SCRG1: variants seen among roughly 807,000 people sequenced by gnomAD.
The protein encoded by SCRG1 is scrapie-responsive protein 1.
Under a neutral mutation model 7.7 loss-of-function variants are expected in SCRG1, and 3 were observed. That is an observed-to-expected ratio of 0.39 (90% CI 0.18 to 1.01). The LOEUF (loss-of-function observed/expected upper bound fraction) is 1.01. Among genes scored for constraint, SCRG1 ranks in the 50% least tolerant of loss-of-function variants. The probability of loss-of-function intolerance (pLI) is 0.36; values close to 1 mark genes in which losing one functional copy is unlikely to be tolerated. For synonymous variants in SCRG1, 46 were observed against 41.2 expected, an observed-to-expected ratio of 1.12 and a Z score of -0.44; for missense variants, 110 against 117.2, an observed-to-expected ratio of 0.94 and a Z score of 0.28.
At chr4:173,431,733 C>T in the SCRG1 span, among the ~76,000 whole-genome samples, 1 of 152,200 alleles carries the variant, frequency 6.6e-6, no homozygotes, top group Non-Finnish European at 1.5e-5. Context: ...CCAGGGTCTT[C>T]TGTCTGATCA....
chr4:173,401,344 A>G (rs530902683), upstream of SCRG1, among the ~76,000 whole-genome samples: 1 of 152,338 alleles, frequency 6.6e-6, no homozygotes, highest in East Asian at 1.9e-4. Context: ...AATGTATATA[A>G]ATATGTGAAT....
the SCRG1 span, among the ~76,000 whole-genome samples, chr4:173,457,043 A>G: frequency 6.6e-6 from 1 of 152,230 alleles, no homozygotes; most frequent in Admixed American, 6.5e-5. Flanking sequence ...CAGAGGCCAG[A>G]AAGAGATAAA....
upstream of SCRG1, among the ~76,000 whole-genome samples, chr4:173,408,480 A>G (rs1396801376): frequency 1.3e-5 from 2 of 152,302 alleles, no homozygotes; most frequent in East Asian, 3.9e-4. Context: ...CTCAAGTGTA[A>G]ATATCTTGAC....
the SCRG1 span, chr4:173,419,975 A>G: frequency 1.4e-6 from 1 of 708,616 alleles, no homozygotes; most frequent in African/African-American, 1.7e-5. Context: ...CTGACAAATG[A>G]TATCTCTATC....
At chr4:173,408,991 CAAAAAAAAAAA>C (rs991902394), upstream of SCRG1, among the ~76,000 whole-genome samples, 1 of 51,264 alleles carries the variant, frequency 2.0e-5, no homozygotes, top group African/African-American at 6.4e-5. Flanking sequence ...GACTCAGTCT[CAAAAAAAAAAA>C]AAAAAAAAAA....
chr4:173,460,372 C>G, the SCRG1 span, among the ~76,000 whole-genome samples: 62 of 152,296 alleles, frequency 4.1e-4, no homozygotes, highest in Non-Finnish European at 7.8e-4. Flanking sequence ...TCCTCTAGTC[C>G]CAGACTGCAC....
the SCRG1 span, among the ~76,000 whole-genome samples, chr4:173,483,775 TGATATATCATATATCATA>T: frequency 7.8e-5 from 3 of 38,464 alleles, 1 homozygote; most frequent in African/African-American, 3.0e-4. Flanking sequence ...ATATGATATA[TGATATATCATATATCATA>T]TATATGATAT....
chr4:173,499,718 C>T, the SCRG1 span, among the ~76,000 whole-genome samples: 3 of 152,158 alleles, frequency 2.0e-5, no homozygotes, highest in African/African-American at 4.8e-5. This position sits in a 1 kb window ranked among gnomAD's most constrained non-coding sequence, Gnocchi z 4.1. Context: ...TGATGGCCTC[C>T]ATGCAGCAGC....
At chr4:173,445,627 A>G in the SCRG1 span, among the ~76,000 whole-genome samples, 3 of 150,512 alleles carry the variant, frequency 2.0e-5, no homozygotes, top group Non-Finnish European at 4.4e-5. Flanking sequence ...CACTGAATCC[A>G]TTAGGATTTT....
At chr4:173,497,880 A>T in the SCRG1 span, among the ~76,000 whole-genome samples, 1 of 151,916 alleles carries the variant, frequency 6.6e-6, no homozygotes, top group Non-Finnish European at 1.5e-5. Context: ...GGGTTTTACC[A>T]TGTTGGCCAG....
chr4:173,406,570 T>C (rs917710813), upstream of SCRG1, among the ~76,000 whole-genome samples: 1 of 152,198 alleles, frequency 6.6e-6, no homozygotes, highest in African/African-American at 2.4e-5. Context: ...TACCATTACA[T>C]TATGATACAG....
chr4:173,418,108 A>C, the SCRG1 span, among the ~76,000 whole-genome samples: 2 of 152,184 alleles, frequency 1.3e-5, no homozygotes. Flanking sequence ...AAAGATAATG[A>C]GGAGCTCAGT....
chr4:173,395,054 T>G (rs1739562247), intron 1 of SCRG1, among the ~76,000 whole-genome samples: 1 of 152,204 alleles, frequency 6.6e-6, no homozygotes, highest in East Asian at 1.9e-4. Flanking sequence ...CTACCAGGAA[T>G]GTTCTTTTTT....
chr4:173,473,343 T>G, the SCRG1 span, among the ~76,000 whole-genome samples: 1 of 149,292 alleles, frequency 6.7e-6, no homozygotes, highest in African/African-American at 2.5e-5. Flanking sequence ...CCTAGAGCAG[T>G]CCTCTTTTCT....
rs190873911 is a variant in SCRG1 at position 173,387,612 on chromosome 4, C to T, written c.*729G>A. Reference sequence around the variant, plus strand: ...CTTCCCGCCTTGGCCTCCCAAAATGCTAGGATTACAGGCATTAGTCACCAG... The same window carrying T: ...CTTCCCGCCTTGGCCTCCCAAAATGTTAGGATTACAGGCATTAGTCACCAG... On this transcript the variant is annotated 3_prime_UTR_variant, in exon 3 of 3. Transcript: ENST00000296506. The T allele has an allele frequency of 2.4e-3, 362 of 150,820 alleles. 1 individual carries two copies. The highest frequency in any genetic ancestry group is 4.6e-3 in the Non-Finnish European group (315 of 67,922). 9.3% of individuals were successfully genotyped at this position (150,820 alleles called of 1,614,324 possible). A position where few individuals can be genotyped will look rare whatever the true frequency, so the allele number is the denominator to read the frequency against.
chr4:173,391,564 G>A, intron 1 of SCRG1, 136 bp from the exon 2 acceptor site: 2 of 852,344 alleles, frequency 2.3e-6, no homozygotes, highest in African/African-American at 1.7e-5. Flanking sequence ...AATCCTGTTT[G>A]TGTTTCTCAA....
the SCRG1 span, among the ~76,000 whole-genome samples, chr4:173,504,120 C>G: frequency 6.6e-6 from 1 of 152,212 alleles, no homozygotes; most frequent in African/African-American, 2.4e-5. This position sits in a 1 kb window ranked among gnomAD's most constrained non-coding sequence, Gnocchi z 4.7. Context: ...TTCGCTGGTG[C>G]AGTCCCCCGC....
At chr4:173,426,440 A>T in the SCRG1 span, among the ~76,000 whole-genome samples, 1 of 152,200 alleles carries the variant, frequency 6.6e-6, no homozygotes, top group African/African-American at 2.4e-5. Context: ...AGTATACATA[A>T]AATCTGTGAT....
At chr4:173,459,526 G>T in the SCRG1 span, among the ~76,000 whole-genome samples, 2 of 152,048 alleles carry the variant, frequency 1.3e-5, no homozygotes, top group African/African-American at 4.8e-5. Flanking sequence ...GGTCAACAAA[G>T]AAATTAAGAA....
Sources: gnomAD v4.1 joint callset for allele counts (sites outside exome capture counted in the v4.1 genomes callset) on GRCh38, gnomAD v4.1.1 for gene constraint, Gnocchi (gnomAD v3.1) non-coding constraint, MANE v1.5 for transcripts, NCBI Gene and HGNC (gene_info 2026-07-23, HGNC 2026-07-21) for gene names.